Variants in MRRF observed in about 807,000 individuals in gnomAD.
The protein encoded by MRRF is ribosome-recycling factor, mitochondrial.
Under a neutral mutation model 25.1 loss-of-function variants are expected in MRRF, and 18 were observed. The observed-to-expected ratio is 0.72, with a 90% CI of 0.50 to 1.06. The LOEUF is 1.06. Ranked by LOEUF, MRRF falls within the 50% of genes least tolerant of loss-of-function variation. The pLI is 0.00. For missense variants in MRRF, 323 were observed against 319.3 expected, an observed-to-expected ratio of 1.01 and a Z score of -0.09; for synonymous variants, 113 against 112.1, an observed-to-expected ratio of 1.01 and a Z score of -0.05.
At chr9:122,273,440 C>CAAA (rs566027952) in intron 2 of MRRF, among the ~76,000 whole-genome samples, 2 of 70,196 alleles carry the variant, frequency 2.8e-5, no homozygotes, top group South Asian at 4.6e-4. Flanking sequence ...GACCCTGTCT[C>CAAA]AAAAAAAAAA....
intron 5 of MRRF, among the ~76,000 whole-genome samples, chr9:122,295,680 A>C (rs1834043577): frequency 6.6e-6 from 1 of 152,116 alleles, no homozygotes; most frequent in Non-Finnish European, 1.5e-5. Context: ...TCTTGACCTC[A>C]AGTGATCTGC....
chr9:122,317,474 A>G (rs190223697), intron 6 of MRRF, among the ~76,000 whole-genome samples: 8 of 152,290 alleles, frequency 5.3e-5, no homozygotes, highest in Admixed American at 5.2e-4. Flanking sequence ...TGATATATAT[A>G]ATAGTAGAAA....
intron 2 of MRRF, among the ~76,000 whole-genome samples, chr9:122,276,391 A>G (rs1832777815): frequency 6.6e-6 from 1 of 152,206 alleles, no homozygotes; most frequent in Non-Finnish European, 1.5e-5. Flanking sequence ...CCTGGGCTCA[A>G]GTGATCCTCT....
intron 5 of MRRF, among the ~76,000 whole-genome samples, chr9:122,303,448 A>G (rs2082494326): frequency 6.6e-6 from 1 of 152,084 alleles, no homozygotes; most frequent in East Asian, 1.9e-4. Flanking sequence ...CAGTGGCACA[A>G]TCACAATTAG....
At chr9:122,293,900 G>A (rs1013461685) in intron 5 of MRRF, among the ~76,000 whole-genome samples, 1 of 152,182 alleles carries the variant, frequency 6.6e-6, no homozygotes, top group Admixed American at 6.5e-5. Flanking sequence ...GGACTTGCCC[G>A]AGATCACATG....
At chr9:122,280,884 C>G (rs1189073358) in intron 3 of MRRF, among the ~76,000 whole-genome samples, 1 of 152,166 alleles carries the variant, frequency 6.6e-6, no homozygotes, top group East Asian at 1.9e-4. Flanking sequence ...TGGAACTAGG[C>G]ATTGTGCTAG....
chr9:122,315,179 C>T (rs1053735659), intron 6 of MRRF, among the ~76,000 whole-genome samples: 5 of 152,066 alleles, frequency 3.3e-5, no homozygotes, highest in African/African-American at 1.2e-4. Context: ...ATTTTACTTA[C>T]TTTTATTAAT....
chr9:122,289,454 G>A (rs534820929), intron 4 of MRRF, among the ~76,000 whole-genome samples: 1 of 152,242 alleles, frequency 6.6e-6, no homozygotes, highest in South Asian at 2.1e-4. Context: ...GGGTCAGCTT[G>A]TGAAAGGGAG....
At chr9:122,286,279 A>G in intron 4 of MRRF, 3 of 1,086,760 alleles carry the variant, frequency 2.8e-6, no homozygotes, top group Non-Finnish European at 3.6e-6. Context: ...GGAGAAAGGG[A>G]AAGCCCTTGC....
intron 2 of MRRF, among the ~76,000 whole-genome samples, chr9:122,271,553 G>A (rs1832459427): frequency 6.6e-6 from 1 of 152,328 alleles, no homozygotes; most frequent in South Asian, 2.1e-4. Flanking sequence ...CAGCTTAAAT[G>A]CTACTTCCTC....
chr9:122,299,564 G>A (rs1447975298), intron 5 of MRRF, among the ~76,000 whole-genome samples: 1 of 152,052 alleles, frequency 6.6e-6, no homozygotes, highest in Non-Finnish European at 1.5e-5. Context: ...TTATAAAGGA[G>A]GCCACGAAAT....
intron 6 of MRRF, among the ~76,000 whole-genome samples, chr9:122,317,373 A>G (rs1451839517): frequency 2.0e-5 from 3 of 152,144 alleles, no homozygotes; most frequent in African/African-American, 4.8e-5. Flanking sequence ...CTAAAGGATA[A>G]TATATACTAA....
chr9:122,320,824 C>T (rs577059220), intron 6 of MRRF, among the ~76,000 whole-genome samples: 2 of 152,354 alleles, frequency 1.3e-5, no homozygotes, highest in South Asian at 4.1e-4. Flanking sequence ...AGATGTCCAA[C>T]AGCCGCTATG....
In MRRF at chr9:122,267,515, A is replaced by C. The variant is rs186119821; in HGVS notation, c.-29+2577A>C. 4.6e-5 allele frequency among the ~76,000 whole-genome samples: 7 copies of C among 152,330 alleles called. No individual in the cohort carries two copies. The East Asian group carries it at 1.3e-3, about 29-fold the overall frequency. On this transcript the variant is annotated intron_variant, in intron 1 of 6. Transcript: ENST00000344641. The stretch of plus-strand genomic sequence containing the variant: ...GTGACTAGGTCTCACTATATTGCCA[A>C]GGCTGGCCTTGGACTCCTGGCCTGA...
At chr9:122,316,061 G>C (rs987829666) in intron 6 of MRRF, among the ~76,000 whole-genome samples, 1 of 152,116 alleles carries the variant, frequency 6.6e-6, no homozygotes, top group Non-Finnish European at 1.5e-5. Flanking sequence ...TCATCACTCA[G>C]ATGACTGTTG....
chr9:122,310,942 G>A (rs1835167356), intron 5 of MRRF, among the ~76,000 whole-genome samples: 1 of 152,158 alleles, frequency 6.6e-6, no homozygotes, highest in Admixed American at 6.5e-5. Context: ...TGCCCTCATT[G>A]TTTCATGAGG....
chr9:122,283,626 G>A (rs1432855866), intron 3 of MRRF, among the ~76,000 whole-genome samples: 1 of 152,202 alleles, frequency 6.6e-6, no homozygotes, highest in South Asian at 2.1e-4. Flanking sequence ...ATCTGGTTGA[G>A]TATCTCAAAT....
At chr9:122,278,248 A>G (rs1469290910) in intron 2 of MRRF, among the ~76,000 whole-genome samples, 1 of 152,134 alleles carries the variant, frequency 6.6e-6, no homozygotes, top group Non-Finnish European at 1.5e-5. Flanking sequence ...AAATAAAAAA[A>G]CCCTGTAGGA....
intron 2 of MRRF, among the ~76,000 whole-genome samples, chr9:122,274,110 G>A (rs554071327): frequency 6.6e-6 from 1 of 152,130 alleles, no homozygotes; most frequent in South Asian, 2.1e-4. Flanking sequence ...AGGAACTCTA[G>A]TGTAATTTGA....
Sources: allele counts gnomAD v4.1 joint callset (sites outside exome capture counted in the v4.1 genomes callset), GRCh38; gene constraint gnomAD v4.1.1; transcripts MANE v1.5; gene names NCBI Gene and HGNC (gene_info 2026-07-23, HGNC 2026-07-21).